The following MICU1 variants were observed in gnomAD, a reference collection of about 807,000 sequenced individuals.
MICU1 encodes the protein mitochondrial calcium uptake 1.
MICU1 carries 45 observed loss-of-function variants against 56.8 expected under a neutral mutation model. The ratio of observed to expected loss-of-function variants is 0.79; its 90% CI spans 0.62 to 1.02. The LOEUF (loss-of-function observed/expected upper bound fraction) is 1.02, where lower values mean the gene tolerates loss of function less well. MICU1 is among the 50% of genes least tolerant of loss of function. The pLI, the probability that MICU1 is intolerant of heterozygous loss-of-function variation, is 0.00. For missense variants in MICU1, 504 were observed against 587.1 expected, an observed-to-expected ratio of 0.86 and a Z score of 1.46; for synonymous variants, 186 against 195.1, an observed-to-expected ratio of 0.95 and a Z score of 0.39.
At chr10:72,618,730 CTT>C (rs1432872356) in intron 1 of MICU1, among the ~76,000 whole-genome samples, 1 of 152,144 alleles carries the variant, frequency 6.6e-6, no homozygotes, top group East Asian at 1.9e-4. Flanking sequence ...TATCACAGCT[CTT>C]GTCAAGTAGA....
At chr10:72,485,692 A>C (rs1866447601) in intron 6 of MICU1, among the ~76,000 whole-genome samples, 1 of 152,072 alleles carries the variant, frequency 6.6e-6, no homozygotes, top group Non-Finnish European at 1.5e-5. Context: ...TACGGAAAAT[A>C]CTTCTTAAAA....
chr10:72,603,217 T>C (rs1432138057), intron 1 of MICU1, among the ~76,000 whole-genome samples: 1 of 148,088 alleles, frequency 6.8e-6, no homozygotes, highest in Non-Finnish European at 1.5e-5. Context: ...CAAAACCCCA[T>C]CTCTACTGAA....
chr10:72,557,198 A>T (rs534327091), intron 3 of MICU1, among the ~76,000 whole-genome samples: 23 of 152,344 alleles, frequency 1.5e-4, no homozygotes, highest in African/African-American at 4.8e-4. Context: ...AATAAAATGA[A>T]ATTGTCTTTC....
rs184539238 is a variant in MICU1, at chr10:72,516,754, G to A, written c.538-8485C>T. ...AAGATCAGATGGTTGTAGATGTGTA[G>A]TGTTATTTCTGAGGTCTCTGTTCTG... On this transcript the variant is annotated intron_variant, in intron 5 of 11. Coordinates refer to ENST00000361114, the MANE Select transcript of MICU1 (RefSeq NM_001195518.2). Among the ~76,000 whole-genome samples the A allele has an allele frequency of 2.1e-3, 323 of 152,278 alleles. 1 individual carries two copies. Among genetic ancestry groups the A allele is most frequent in the African/African-American group, 7.0e-3 (289 of 41,570 alleles).
At chr10:72,536,519 T>A (rs1461572149) in intron 4 of MICU1, among the ~76,000 whole-genome samples, 1 of 151,806 alleles carries the variant, frequency 6.6e-6, no homozygotes, top group Non-Finnish European at 1.5e-5. Context: ...GCTAATTTTT[T>A]TTTTTGTATT....
intron 8 of MICU1, 110 bp downstream of exon 8, chr10:72,474,990 A>C: frequency 1.1e-6 from 1 of 904,328 alleles, no homozygotes; most frequent in Non-Finnish European, 1.7e-6. Context: ...TAAGCTTCAA[A>C]TCAATCAGTT....
At chr10:72,543,426 G>A (rs1312605355) in intron 4 of MICU1, among the ~76,000 whole-genome samples, 1 of 152,240 alleles carries the variant, frequency 6.6e-6, no homozygotes, top group East Asian at 1.9e-4. Flanking sequence ...TATAATCCTG[G>A]CACTTTGGGA....
chr10:72,549,421 G>A (rs898946815), intron 4 of MICU1, among the ~76,000 whole-genome samples: 26 of 151,966 alleles, frequency 1.7e-4, no homozygotes, highest in Middle Eastern at 6.8e-3. Context: ...CAACTCCTGA[G>A]CTCAAATAAT....
chr10:72,516,337 C>G (rs887921516), intron 5 of MICU1, among the ~76,000 whole-genome samples: 2 of 152,092 alleles, frequency 1.3e-5, no homozygotes, highest in Non-Finnish European at 2.9e-5. Context: ...GATGTTAGCC[C>G]TTTGTCAGAT....
rs182337954 is a variant in MICU1 at position 72,536,962 on chromosome 10, A to C, written c.494-3173T>G. Among the ~76,000 whole-genome samples, 4 of 152,278 alleles carry C rather than the reference A, an allele frequency of 2.6e-5. No homozygotes were observed. The East Asian group carries it at 7.7e-4, about 29-fold the overall frequency. On this transcript the variant is annotated intron_variant, in intron 4 of 11. Coordinates refer to ENST00000361114, the MANE Select transcript of MICU1 (RefSeq NM_001195518.2). ...CCAGAATAACTCAAAATGTAACTTA[A>C]AATTTTAAAGGTGGTTACTTCTGTG...
At chr10:72,563,936 T>C (rs898742175) in intron 2 of MICU1, among the ~76,000 whole-genome samples, 2 of 152,212 alleles carry the variant, frequency 1.3e-5, no homozygotes, top group Non-Finnish European at 2.9e-5. Flanking sequence ...TTTTATGTTA[T>C]GCACCTTTCA....
chr10:72,519,344 G>A (rs560811579), intron 5 of MICU1, among the ~76,000 whole-genome samples: 1 of 152,274 alleles, frequency 6.6e-6, no homozygotes, highest in African/African-American at 2.4e-5. Context: ...TCAAATTACT[G>A]ATCTCAAGTA....
chr10:72,529,340 C>T (rs1335450546), intron 5 of MICU1, among the ~76,000 whole-genome samples: 2 of 151,978 alleles, frequency 1.3e-5, no homozygotes, highest in African/African-American at 4.8e-5. Context: ...GAAAGAATAA[C>T]AAATCTATTC....
chr10:72,390,202 G>GA lies in MICU1; in HGVS notation c.1181-14331dup, dbSNP rs1217434366. ...ACAGAAAAAATGAAAAAAAGAAAAA[G>GA]AAAAAAAAGAAATGTGACATTTTTT... On this transcript the variant is annotated intron_variant, in intron 10 of 11. Coordinates refer to ENST00000361114, the MANE Select transcript of MICU1 (RefSeq NM_001195518.2). Among the ~76,000 whole-genome samples the GA allele has an allele frequency of 9.2e-5, 14 of 151,866 alleles. No homozygotes were observed. In the South Asian group the frequency reaches 2.7e-3, roughly 29 times the overall value.
intron 1 of MICU1, among the ~76,000 whole-genome samples, chr10:72,606,718 G>C (rs2132557948): frequency 6.6e-6 from 1 of 152,084 alleles, no homozygotes; most frequent in South Asian, 2.1e-4. Flanking sequence ...AGGGTTGGGG[G>C]CTTCTAAATA....
chr10:72,622,510 C>A lies in MICU1; in HGVS notation c.-2+3500G>T, dbSNP rs534887062. On this transcript the variant is annotated intron_variant, in intron 1 of 11. Coordinates refer to ENST00000361114, the MANE Select transcript of MICU1 (RefSeq NM_001195518.2). ...AAAGACCCAAGTCAGGTCAATGAAA[C>A]TACCATACAGTGGTGCGCTGGAACT... is the stretch of plus-strand genomic sequence containing the variant. Among the ~76,000 whole-genome samples, 6 of 152,308 alleles carry A rather than the reference C, an allele frequency of 3.9e-5. No individual in the cohort carries two copies. The East Asian group carries it at 1.2e-3, about 29-fold the overall frequency.
chr10:72,595,715 T>A (rs912743204), intron 1 of MICU1, among the ~76,000 whole-genome samples: 1 of 152,174 alleles, frequency 6.6e-6, no homozygotes, highest in African/African-American at 2.4e-5. Context: ...CTGTGAAGCA[T>A]GCCACAAAGG....
chr10:72,615,099 GTGTTTGTT>G (rs72461335), intron 1 of MICU1, among the ~76,000 whole-genome samples: 61 of 150,752 alleles, frequency 4.0e-4, no homozygotes, highest in South Asian at 8.4e-4. Flanking sequence ...GTGTGGTTTT[GTGTTTGTT>G]TGTTTGTTTG....
rs184770538 is a variant in MICU1 at position 72,382,359 on chromosome 10, G to A, written c.1181-6487C>T. Among the ~76,000 whole-genome samples, 438 of 151,200 alleles carry A rather than the reference G, an allele frequency of 2.9e-3. 3 individuals are homozygous for A. The highest frequency in any genetic ancestry group is 0.01 in the African/African-American group (412 of 41,190). ...ACTCCTGACCTCAGGTGATCCACCC[G>A]CCTTGACCTCCCAAAGTGCTGGGAT... is the stretch of plus-strand genomic sequence containing the variant. On this transcript the variant is annotated intron_variant, in intron 10 of 11. Coordinates refer to ENST00000361114, the MANE Select transcript of MICU1 (RefSeq NM_001195518.2).
Sources: gnomAD v4.1 joint callset for allele counts (sites outside exome capture counted in the v4.1 genomes callset) on GRCh38, gnomAD v4.1.1 for gene constraint, MANE v1.5 for transcripts, NCBI Gene and HGNC (gene_info 2026-07-23, HGNC 2026-07-21) for gene names.